The following EFCAB5 variants were observed in gnomAD, a reference collection of about 807,000 sequenced individuals.
EFCAB5 encodes the protein EF-hand calcium-binding domain-containing protein 5.
In EFCAB5, 131 loss-of-function variants were observed where a neutral mutation model predicts 167.9. That is an observed-to-expected ratio of 0.78 (90% CI 0.68 to 0.90). EFCAB5 has a LOEUF of 0.90. EFCAB5 is among the 40% of genes least tolerant of loss of function. The pLI, the probability that EFCAB5 is intolerant of heterozygous loss-of-function variation, is 0.00. For synonymous variants in EFCAB5, 574 were observed against 602.8 expected (o/e 0.95, Z 0.70); for missense variants, 1,663 against 1,745.2 (o/e 0.95, Z 0.84).
chr17:30,021,040 G>A (rs1033528736), intron 7 of EFCAB5, among the ~76,000 whole-genome samples: 4 of 152,080 alleles, frequency 2.6e-5, no homozygotes, highest in African/African-American at 9.7e-5. Context: ...TAGCTGGACA[G>A]ATGTAGGAAA....
At chr17:29,996,478 A>G (rs755918226) in intron 6 of EFCAB5, 118 bp downstream of exon 6, 36 of 830,172 alleles carry the variant, frequency 4.3e-5, no homozygotes, top group Non-Finnish European at 1.3e-5. Context: ...TGCAGGGGCA[A>G]TTAGGCTCTT....
chr17:29,946,402 C>T (rs552241947), intron 3 of EFCAB5, among the ~76,000 whole-genome samples: 1 of 149,818 alleles, frequency 6.7e-6, no homozygotes, highest in South Asian at 2.1e-4. Context: ...ATTAGTATAA[C>T]CTTTATGGAA....
At chr17:30,035,119 A>G (rs529563261) in intron 8 of EFCAB5, among the ~76,000 whole-genome samples, 9 of 152,322 alleles carry the variant, frequency 5.9e-5, no homozygotes, top group African/African-American at 2.2e-4. Context: ...GATTCCTGCT[A>G]ATTTAAATGA....
chr17:30,098,613 C>T (rs74562546), intron 22 of EFCAB5, among the ~76,000 whole-genome samples: 2,041 of 152,112 alleles, frequency 0.013, 40 homozygotes, highest in African/African-American at 0.047. Context: ...CTGCTGCCAC[C>T]ACACCTGGCT....
chr17:30,085,041 T>C (rs755180085), intron 18 of EFCAB5, among the ~76,000 whole-genome samples: 5 of 152,182 alleles, frequency 3.3e-5, no homozygotes, highest in Non-Finnish European at 5.9e-5. Context: ...TCTTCCTTAT[T>C]ACCAGGTTGG....
chr17:30,108,081 T>C lies in EFCAB5; in HGVS notation c.*57T>C, dbSNP rs929892205. On this transcript the variant is annotated 3_prime_UTR_variant, in exon 23 of 23. Coordinates refer to ENST00000394835, the MANE Select transcript of EFCAB5 (RefSeq NM_198529.4). The stretch of plus-strand genomic sequence containing the variant: ...TAGGATCCTTTGTTTGTTATCAGTT[T>C]TGTTTGTTAACTATAAAATATTTTC... The C allele has an allele frequency of 1.3e-6, 2 of 1,522,408 alleles. No individual in the cohort carries two copies. Among genetic ancestry groups the C allele is most frequent in the African/African-American group, 1.4e-5 (1 of 69,618 alleles). The allele number at this position is 1,522,408 out of a possible 1,614,324, so 94.3% of individuals were successfully genotyped here.
intron 5 of EFCAB5, among the ~76,000 whole-genome samples, chr17:29,994,723 C>T (rs1217150249): frequency 2.6e-5 from 4 of 152,164 alleles, no homozygotes; most frequent in Non-Finnish European, 5.9e-5. Context: ...CCAGCCTGGC[C>T]AACATGGTGG....
At chr17:30,084,458 G>A (rs2071047656) in intron 18 of EFCAB5, among the ~76,000 whole-genome samples, 1 of 152,210 alleles carries the variant, frequency 6.6e-6, no homozygotes, top group South Asian at 2.1e-4. Flanking sequence ...GCGGCTGTAA[G>A]TTCAGAACCA....
chr17:30,060,117 C>A (rs1369620820), intron 14 of EFCAB5, among the ~76,000 whole-genome samples: 1 of 152,232 alleles, frequency 6.6e-6, no homozygotes, highest in South Asian at 2.1e-4. Flanking sequence ...AATCTTAAAT[C>A]TATATAGTTA....
At chr17:30,092,528 C>T (rs377304243) in intron 21 of EFCAB5, among the ~76,000 whole-genome samples, 2 of 152,156 alleles carry the variant, frequency 1.3e-5, no homozygotes, top group Admixed American at 1.3e-4. Context: ...GCTGGGATTA[C>T]AGGTGCCCGC....
intron 8 of EFCAB5, among the ~76,000 whole-genome samples, chr17:30,039,920 G>T (rs991447174): frequency 8.5e-5 from 13 of 152,234 alleles, no homozygotes; most frequent in Admixed American, 6.5e-5. Flanking sequence ...CATGCCAAAT[G>T]ACAAAAGCAA....
chr17:29,971,905 C>G (rs940198915), intron 4 of EFCAB5, among the ~76,000 whole-genome samples: 1 of 152,148 alleles, frequency 6.6e-6, no homozygotes, highest in South Asian at 2.1e-4. Flanking sequence ...TTTTCAGTAT[C>G]ATCATGGATG....
Position 30,078,391 on chromosome 17 carries a change from A to C in EFCAB5, c.2914A>C (p.Ser972Arg). 2 of 1,614,022 alleles carry C rather than the reference A, an allele frequency of 1.2e-6. No homozygotes were observed. Among genetic ancestry groups the C allele is most frequent in the South Asian group, 1.1e-5 (1 of 91,082 alleles). Residue 972 changes from serine to arginine, a missense_variant, in exon 15 of 23, where the codon AGT becomes CGT. Coordinates refer to ENST00000394835, the MANE Select transcript of EFCAB5 (RefSeq NM_198529.4). ...MNALERSHIE[S>R]LRNSARRKWL... ...TGCTTTAGAGAGGAGCCACATTGAG[A>C]GTCTGAGGAATTCTGCCAGGCGGAA... is the stretch of plus-strand genomic sequence containing the variant.
At chr17:29,958,206 T>C (rs1206680407) in intron 3 of EFCAB5, among the ~76,000 whole-genome samples, 1 of 152,202 alleles carries the variant, frequency 6.6e-6, no homozygotes, top group Non-Finnish European at 1.5e-5. Context: ...GAAAATCTTC[T>C]GTTTTTATCC....
At chr17:30,093,619 A>C (rs2071241896) in intron 22 of EFCAB5, among the ~76,000 whole-genome samples, 2 of 152,252 alleles carry the variant, frequency 1.3e-5, no homozygotes, top group South Asian at 4.1e-4. Context: ...ATTAACGGGG[A>C]ACTATCCTAG....
At chr17:29,978,024 A>G (rs2068096618) in intron 4 of EFCAB5, among the ~76,000 whole-genome samples, 1 of 152,166 alleles carries the variant, frequency 6.6e-6, no homozygotes, top group African/African-American at 2.4e-5. Flanking sequence ...ACAAGATGCC[A>G]GCAGTAGGAT....
intron 18 of EFCAB5, among the ~76,000 whole-genome samples, chr17:30,083,261 G>C (rs1350991007): frequency 6.6e-6 from 1 of 152,190 alleles, no homozygotes; most frequent in Non-Finnish European, 1.5e-5. Flanking sequence ...ATGAAGACAG[G>C]GCAGGAGTCA....
intron 18 of EFCAB5, 150 bp downstream of exon 18, chr17:30,083,193 G>C: frequency 8.4e-7 from 1 of 1,189,370 alleles, no homozygotes; most frequent in Admixed American, 3.2e-5. Flanking sequence ...TGAGTGACAG[G>C]AATCCATCTC....
At chr17:30,066,414 A>T (rs1467355443) in intron 14 of EFCAB5, among the ~76,000 whole-genome samples, 3 of 152,042 alleles carry the variant, frequency 2.0e-5, no homozygotes, top group African/African-American at 7.2e-5. Flanking sequence ...TAATTTATTT[A>T]TTTTTTAAAT....
Sources: allele counts gnomAD v4.1 joint callset (sites outside exome capture counted in the v4.1 genomes callset), GRCh38; gene constraint gnomAD v4.1.1; transcripts MANE v1.5; gene names NCBI Gene and HGNC (gene_info 2026-07-23, HGNC 2026-07-21).